Variants in ARRB1 observed in about 807,000 individuals in gnomAD.
ARRB1 encodes arrestin beta 1, also known as beta-arrestin-1.
ARRB1 carries 21 observed loss-of-function variants against 56.8 expected under a neutral mutation model. The observed-to-expected ratio is 0.37, with a 90% CI of 0.26 to 0.53. The LOEUF (loss-of-function observed/expected upper bound fraction) is 0.53, where lower values mean the gene tolerates loss of function less well. ARRB1 is among the 20% of genes least tolerant of loss of function. The pLI, the probability that ARRB1 is intolerant of heterozygous loss-of-function variation, is 0.88. For missense variants in ARRB1, 424 were observed against 553.7 expected, an observed-to-expected ratio of 0.77 and a Z score of 2.35; for synonymous variants, 210 against 218.6, an observed-to-expected ratio of 0.96 and a Z score of 0.35.
rs1946394841 is a variant in ARRB1 at position 75,283,448 on chromosome 11, G to A, written c.193C>T (p.Arg65Trp). Residue 65 changes from arginine to tryptophan, a missense_variant, in exon 5 of 16, where the codon CGG becomes TGG. Arg to Trp is a moderately radical substitution (Grantham distance 101, BLOSUM62 -3). Around this residue, in one of 3 missense-constraint regions of ARRB1, gnomAD observed 301 missense variants for 387.9 expected, o/e 0.78. Coordinates refer to ENST00000420843, the MANE Select transcript of ARRB1 (RefSeq NM_004041.5). ...AGGCCCAGGACATCCAGGTCCTCCC[G>A]GCCATAGCGGAAGGCGCAGGTCAGC... Reference protein sequence around the residue: ...VTLTCAFRYGREDLDVLGLTF... With the variant: ...VTLTCAFRYGWEDLDVLGLTF... The A allele has an allele frequency of 1.2e-6, 2 of 1,613,514 alleles. No homozygotes were observed. Among genetic ancestry groups the A allele is most frequent in the South Asian group, 1.1e-5 (1 of 91,040 alleles).
chr11:75,344,225 C>T (rs1249204477), intron 1 of ARRB1, among the ~76,000 whole-genome samples: 1 of 152,120 alleles, frequency 6.6e-6, no homozygotes, highest in African/African-American at 2.4e-5. Flanking sequence ...CCTTCCTGGC[C>T]GCCAGCACCC....
At chr11:75,279,189 C>T (rs918853078) in intron 7 of ARRB1, among the ~76,000 whole-genome samples, 1 of 152,220 alleles carries the variant, frequency 6.6e-6, no homozygotes, top group African/African-American at 2.4e-5. Flanking sequence ...CTCTCAGCAC[C>T]TATGACTGTG....
intron 1 of ARRB1, among the ~76,000 whole-genome samples, chr11:75,315,017 C>G (rs904937439): frequency 6.6e-6 from 1 of 152,214 alleles, no homozygotes; most frequent in African/African-American, 2.4e-5. Flanking sequence ...GCAGGGCCTG[C>G]ACTCGGGACG....
chr11:75,340,352 G>A (rs995730553), intron 1 of ARRB1, among the ~76,000 whole-genome samples: 3 of 152,254 alleles, frequency 2.0e-5, no homozygotes, highest in Non-Finnish European at 4.4e-5. Context: ...CACAGTGTGG[G>A]CGGCACTACC....
chr11:75,311,935 G>A lies in ARRB1; in HGVS notation c.21-21896C>T, dbSNP rs1048893467. 20 of 846,964 alleles carry A rather than the reference G, an allele frequency of 2.4e-5. No homozygotes were observed. In the African/African-American group the frequency reaches 2.8e-4, roughly 12 times the overall value. The allele number at this position is 846,964 out of a possible 1,614,324, so 52.5% of individuals were successfully genotyped here. ...GCCTGTCAGAAGGGGCTGGCTGAGAGGGGACGGCCGGCAGAGGAACCAAGC... is the reference window on the plus strand; with the variant it reads ...GCCTGTCAGAAGGGGCTGGCTGAGAAGGGACGGCCGGCAGAGGAACCAAGC... On this transcript the variant is annotated intron_variant, in intron 1 of 15. Coordinates refer to ENST00000420843, the MANE Select transcript of ARRB1 (RefSeq NM_004041.5).
intron 1 of ARRB1, among the ~76,000 whole-genome samples, chr11:75,296,515 T>G (rs1226163670): frequency 6.6e-6 from 1 of 152,130 alleles, no homozygotes; most frequent in Non-Finnish European, 1.5e-5. Flanking sequence ...ACTTTGACAC[T>G]AATATTTCAC....
At chr11:75,334,033 CAGA>C (rs926005618) in intron 1 of ARRB1, among the ~76,000 whole-genome samples, 23 of 152,278 alleles carry the variant, frequency 1.5e-4, no homozygotes, top group African/African-American at 5.5e-4. Context: ...CCCACTCCCA[CAGA>C]AGGTCCCATC....
At chr11:75,276,242 G>C (rs1946198712) in intron 10 of ARRB1, among the ~76,000 whole-genome samples, 2 of 152,124 alleles carry the variant, frequency 1.3e-5, no homozygotes, top group South Asian at 2.1e-4. Flanking sequence ...TCTTTGAATG[G>C]GAGCATTTAC....
chr11:75,327,115 C>T (rs1565141526), intron 1 of ARRB1, among the ~76,000 whole-genome samples: 1 of 151,762 alleles, frequency 6.6e-6, no homozygotes, highest in Non-Finnish European at 1.5e-5. Flanking sequence ...GAGATCAAGA[C>T]CACGGTGAAA....
chr11:75,274,361 G>T lies in ARRB1; in HGVS notation c.777-150C>A, dbSNP rs1051911219. Reference sequence around the variant, plus strand: ...CCAGACACACGGACCACTTGGGCCAGCCCAGCTCGGGCAAGGAGACCACTG... The same window carrying T: ...CCAGACACACGGACCACTTGGGCCATCCCAGCTCGGGCAAGGAGACCACTG... On this transcript the variant is annotated intron_variant, in intron 10 of 15. Coordinates refer to ENST00000420843, the MANE Select transcript of ARRB1 (RefSeq NM_004041.5). 6 of 1,078,604 alleles carry T rather than the reference G, an allele frequency of 5.6e-6. No individual in the cohort carries two copies. In the South Asian group the frequency reaches 9.4e-5, roughly 17 times the overall value. 66.8% of individuals were successfully genotyped at this position (1,078,604 alleles called of 1,614,324 possible). A position where few individuals can be genotyped will look rare whatever the true frequency, so the allele number is the denominator to read the frequency against.
At chr11:75,292,046 T>C (rs1156943835) in intron 1 of ARRB1, among the ~76,000 whole-genome samples, 1 of 152,240 alleles carries the variant, frequency 6.6e-6, no homozygotes, top group Non-Finnish European at 1.5e-5. Context: ...GAACCACTGA[T>C]GAGTGTGAGC....
At chr11:75,271,232 G>C (rs1946068886) in intron 13 of ARRB1, 1 of 153,814 alleles carries the variant, frequency 6.5e-6, no homozygotes, top group Non-Finnish European at 1.4e-5. Flanking sequence ...AGGCCAAACT[G>C]CTGTGTTTGG....
At position 75,262,414 on chromosome 11, in the gene ARRB1, A is replaced by T. The variant is rs138169549; in HGVS notation, c.*3749T>A. 1.4e-4 allele frequency: 21 copies of T among 152,266 alleles called. 1 individual carries two copies. The East Asian group carries it at 3.9e-3, about 28-fold the overall frequency. 9.4% of individuals were successfully genotyped at this position (152,266 alleles called of 1,614,324 possible). A position where few individuals can be genotyped will look rare whatever the true frequency, so the allele number is the denominator to read the frequency against. On this transcript the variant is annotated 3_prime_UTR_variant, in exon 16 of 16. Coordinates refer to ENST00000420843, the MANE Select transcript of ARRB1 (RefSeq NM_004041.5). ...GCATGATATTCCTGAATTGTATCTA[A>T]ATTTCCCTCTCAGCTGGGTCATCAA... is the stretch of plus-strand genomic sequence containing the variant.
At chr11:75,284,114 A>C in intron 4 of ARRB1, 121 bp downstream of exon 4, 2 of 1,015,650 alleles carry the variant, frequency 2.0e-6, no homozygotes, top group Non-Finnish European at 1.4e-6. Flanking sequence ...CGGCATCTGT[A>C]GAGGTATTTG....
chr11:75,317,562 T>C (rs1372186424), intron 1 of ARRB1, among the ~76,000 whole-genome samples: 1 of 152,170 alleles, frequency 6.6e-6, no homozygotes, highest in Non-Finnish European at 1.5e-5. Flanking sequence ...CACTTTTCCC[T>C]CGGAGCACAT....
intron 1 of ARRB1, among the ~76,000 whole-genome samples, chr11:75,347,651 T>C (rs1036695018): frequency 6.6e-6 from 1 of 152,030 alleles, no homozygotes; most frequent in Non-Finnish European, 1.5e-5. Flanking sequence ...GCTTTGTGGG[T>C]CAATAGGCCT....
rs917531553 is a variant in ARRB1, at chr11:75,303,244, C to T, written c.21-13205G>A. ...CTCAAACTCCTGACCTCAAGTGATC[C>T]GCCCATCTCAGCCTCCCAAAGTGTT... On this transcript the variant is annotated intron_variant, in intron 1 of 15. Transcript: ENST00000420843. Among the ~76,000 whole-genome samples, 4 of 152,096 alleles carry T rather than the reference C, an allele frequency of 2.6e-5. No homozygotes were observed. The South Asian group carries it at 8.3e-4, about 32-fold the overall frequency.
At chr11:75,267,547 G>A in intron 15 of ARRB1, 105 bp downstream of exon 15, 2 of 1,201,658 alleles carry the variant, frequency 1.7e-6, no homozygotes, top group Non-Finnish European at 2.4e-6. Flanking sequence ...GACGGGGTTA[G>A]ACCAGCGGCT....
intron 7 of ARRB1, among the ~76,000 whole-genome samples, chr11:75,279,220 T>G (rs1946271710): frequency 6.6e-6 from 1 of 152,188 alleles, no homozygotes; most frequent in African/African-American, 2.4e-5. Context: ...AATAAACAAC[T>G]GCCAGATATC....
Sources: allele counts gnomAD v4.1 joint callset (sites outside exome capture counted in the v4.1 genomes callset), GRCh38; gene constraint gnomAD v4.1.1; regional missense constraint gnomAD v4.1.1; transcripts MANE v1.5; gene names NCBI Gene and HGNC (gene_info 2026-07-23, HGNC 2026-07-21).